The following DIPK1A variants were observed in gnomAD, a reference collection of about 807,000 sequenced individuals.
The protein encoded by DIPK1A is family with sequence similarity 69 member A.
A neutral mutation model predicts 40.8 loss-of-function variants in DIPK1A; 27 were observed. That is an observed-to-expected ratio of 0.66 (90% CI 0.49 to 0.91). The LOEUF (loss-of-function observed/expected upper bound fraction) is 0.91. Ranked by LOEUF, DIPK1A falls within the 40% of genes least tolerant of loss-of-function variation. The probability of loss-of-function intolerance (pLI) is 0.00; values close to 1 mark genes in which losing one functional copy is unlikely to be tolerated. For missense variants in DIPK1A, 412 were observed against 505.7 expected, an observed-to-expected ratio of 0.81 and a Z score of 1.78; for synonymous variants, 166 against 171.3, an observed-to-expected ratio of 0.97 and a Z score of 0.24.
At chr1:92,840,948 A>T, downstream of DIPK1A, 1 of 470,612 alleles carries the variant, frequency 2.1e-6, no homozygotes, top group East Asian at 5.0e-5. Context: ...GTAATACTTA[A>T]TGAACATGTA....
chr1:92,914,267 G>C (rs1649954117), intron 1 of DIPK1A, among the ~76,000 whole-genome samples: 1 of 151,810 alleles, frequency 6.6e-6, no homozygotes, highest in African/African-American at 2.4e-5. Flanking sequence ...AAATGTAACA[G>C]TGGGGAAAAA....
chr1:92,905,766 TAA>T (rs1649595878), intron 1 of DIPK1A, among the ~76,000 whole-genome samples: 1 of 152,202 alleles, frequency 6.6e-6, no homozygotes, highest in African/African-American at 2.4e-5. Flanking sequence ...GTATTAGATT[TAA>T]GTCTTTAATC....
intron 2 of DIPK1A, among the ~76,000 whole-genome samples, chr1:92,872,296 G>A (rs1353158872): frequency 6.6e-6 from 1 of 151,678 alleles, no homozygotes; most frequent in Non-Finnish European, 1.5e-5. Flanking sequence ...TGGCCAGGCT[G>A]GTCTCAAACT....
At chr1:92,934,705 A>G (rs1183860988) in intron 1 of DIPK1A, among the ~76,000 whole-genome samples, 2 of 152,222 alleles carry the variant, frequency 1.3e-5, no homozygotes, top group Non-Finnish European at 2.9e-5. Context: ...CTATCTCTGA[A>G]AGCATTCAGA....
At chr1:92,869,280 G>A (rs1472730962) in intron 2 of DIPK1A, among the ~76,000 whole-genome samples, 1 of 151,796 alleles carries the variant, frequency 6.6e-6, no homozygotes, top group Non-Finnish European at 1.5e-5. Flanking sequence ...TCTCACCTCA[G>A]CCTCCAAGTA....
chr1:92,945,374 C>A (rs1055987678), intron 1 of DIPK1A, among the ~76,000 whole-genome samples: 1 of 152,066 alleles, frequency 6.6e-6, no homozygotes, highest in Non-Finnish European at 1.5e-5. Context: ...ACCCTGATTA[C>A]AAGGAACTGA....
chr1:92,931,396 G>T, intron 1 of DIPK1A: 1 of 238,844 alleles, frequency 4.2e-6, no homozygotes. Flanking sequence ...CTGCATGATG[G>T]AAACATTTTT....
At chr1:92,896,170 G>C (rs1054698613) in intron 1 of DIPK1A, among the ~76,000 whole-genome samples, 3 of 152,014 alleles carry the variant, frequency 2.0e-5, no homozygotes, top group Non-Finnish European at 2.9e-5. Flanking sequence ...AGTTCATATG[G>C]AACCAAAAAA....
chr1:92,927,364 G>GTTTTTTTTTT (rs61508867), intron 1 of DIPK1A, among the ~76,000 whole-genome samples: 1 of 104,668 alleles, frequency 9.6e-6, no homozygotes, highest in African/African-American at 3.6e-5. Flanking sequence ...CAATTTTGTT[G>GTTTTTTTTTT]TTTTTTTTTT....
intron 2 of DIPK1A, among the ~76,000 whole-genome samples, chr1:92,865,446 A>G (rs987152201): frequency 8.5e-5 from 13 of 152,208 alleles, no homozygotes; most frequent in African/African-American, 2.9e-4. Flanking sequence ...AAGTGAAAAA[A>G]AAAATGGATT....
chr1:92,851,154 C>T (rs1485593004), intron 2 of DIPK1A, among the ~76,000 whole-genome samples, 199 bp from the exon 3 acceptor site: 1 of 151,964 alleles, frequency 6.6e-6, no homozygotes, highest in African/African-American at 2.4e-5. Flanking sequence ...CTGGGGTGTG[C>T]GTAGAATTTT....
At chr1:92,942,422 T>TATGA (rs1247327898) in intron 1 of DIPK1A, among the ~76,000 whole-genome samples, 1 of 152,198 alleles carries the variant, frequency 6.6e-6, no homozygotes, top group Non-Finnish European at 1.5e-5. Context: ...TGAACAGCAT[T>TATGA]ATGAGTAAAG....
chr1:92,935,166 G>C (rs1475983006), intron 1 of DIPK1A, among the ~76,000 whole-genome samples: 2 of 152,162 alleles, frequency 1.3e-5, no homozygotes, highest in Non-Finnish European at 2.9e-5. Context: ...CACAGGTCTT[G>C]AGATTCCCAG....
chr1:92,897,878 C>T (rs902996747), intron 1 of DIPK1A, among the ~76,000 whole-genome samples: 7 of 151,980 alleles, frequency 4.6e-5, no homozygotes, highest in African/African-American at 1.7e-4. Context: ...GCAGGTGGAT[C>T]GCTTGAGGTC....
intron 1 of DIPK1A, among the ~76,000 whole-genome samples, chr1:92,914,763 C>T (rs902091344): frequency 1.2e-4 from 16 of 136,256 alleles, no homozygotes; most frequent in Admixed American, 5.2e-4. Context: ...AGTGAGACTC[C>T]GTCTCAAAAA....
chr1:92,836,326 C>T, intron 4 of DIPK1A: 2 of 1,614,140 alleles, frequency 1.2e-6, no homozygotes, highest in Non-Finnish European at 1.7e-6. Flanking sequence ...GCCAGAACTA[C>T]CACTGGCAAT....
intron 4 of DIPK1A, chr1:92,833,515 A>G (rs1686997438): frequency 6.2e-7 from 1 of 1,611,614 alleles, no homozygotes; most frequent in Non-Finnish European, 8.5e-7. Flanking sequence ...GCAGTGGAGT[A>G]TCCTTTCTAC....
At chr1:92,957,648 G>A (rs1305437476) in intron 1 of DIPK1A, among the ~76,000 whole-genome samples, 1 of 152,180 alleles carries the variant, frequency 6.6e-6, no homozygotes, top group Non-Finnish European at 1.5e-5. Context: ...TGACCTTGGT[G>A]GAATCTGCAG....
intron 1 of DIPK1A, among the ~76,000 whole-genome samples, chr1:92,908,637 G>A (rs1287774519): frequency 6.6e-6 from 1 of 152,122 alleles, no homozygotes; most frequent in Admixed American, 6.5e-5. Flanking sequence ...GACTATGAAG[G>A]GGAGGACAGA....
Sources: allele counts gnomAD v4.1 joint callset (sites outside exome capture counted in the v4.1 genomes callset), GRCh38; gene constraint gnomAD v4.1.1; transcripts MANE v1.5; gene names NCBI Gene and HGNC (gene_info 2026-07-23, HGNC 2026-07-21).